Variants in NPAS1 observed in about 807,000 individuals in gnomAD.
The protein encoded by NPAS1 is neuronal PAS domain protein 1, also known as neuronal PAS domain-containing protein 1.
A neutral mutation model predicts 49.2 loss-of-function variants in NPAS1; 29 were observed. That is an observed-to-expected ratio of 0.59 (90% CI 0.44 to 0.80). NPAS1 has a LOEUF of 0.80. NPAS1 is among the 30% of genes least tolerant of loss of function. The pLI is 0.00. For synonymous variants in NPAS1, 408 were observed against 380.4 expected, an observed-to-expected ratio of 1.07 and a Z score of -0.84; for missense variants, 825 against 835.5, an observed-to-expected ratio of 0.99 and a Z score of 0.15.
chr19:47,040,569 C>A lies in NPAS1; in HGVS notation c.1069+19C>A. 6.6e-7 allele frequency: 1 copy of A among 1,524,168 alleles called. No individual in the cohort carries two copies. Among genetic ancestry groups the A allele is most frequent in the East Asian group, 2.4e-5 (1 of 41,590 alleles). The allele number at this position is 1,524,168 out of a possible 1,614,324, so 94.4% of individuals were successfully genotyped here. A position where few individuals can be genotyped will look rare whatever the true frequency, so the allele number is the denominator to read the frequency against. On this transcript the variant is annotated intron_variant, in intron 9 of 11. Transcript: ENST00000602212. ...GTGGACTGTGAGACCCACCTCCACC[C>A]ACCAAGCCTGCCTACCACCCCCCAG...
Position 47,045,610 on chromosome 19 carries a change from C to T in NPAS1, c.1732C>T (p.Pro578Ser). 6.9e-7 allele frequency: 1 copy of T among 1,449,278 alleles called. No individual in the cohort carries two copies. The highest frequency in any genetic ancestry group is 9.0e-7 in the Non-Finnish European group (1 of 1,112,252). 89.8% of individuals were successfully genotyped at this position (1,449,278 alleles called of 1,614,324 possible). The change falls in exon 12 of 12, where the codon CCG becomes TCG. Residue 578 changes from proline to serine, a missense_variant. Physicochemically the swap from Pro to Ser is moderately conservative, Grantham distance 74. Coordinates refer to ENST00000602212, the MANE Select transcript of NPAS1 (RefSeq NM_002517.4). ...AFYPPLGLPY[P>S]GPAGTRLPRK... Reference sequence around the variant, plus strand: ...TTACCCGCCCCTGGGCCTGCCCTACCCGGGGCCCGCGGGCACCAGGCTGCC... The same window carrying T: ...TTACCCGCCCCTGGGCCTGCCCTACTCGGGGCCCGCGGGCACCAGGCTGCC...
intron 5 of NPAS1, 44 bp downstream of exon 5, chr19:47,032,776 C>A (rs1228668642): frequency 7.1e-7 from 1 of 1,406,242 alleles, no homozygotes; most frequent in South Asian, 1.2e-5. Flanking sequence ...GCCACCATCT[C>A]CCTTGCCAGG....
At chr19:47,036,510 G>T (rs976468453) in intron 6 of NPAS1, among the ~76,000 whole-genome samples, 3 of 152,178 alleles carry the variant, frequency 2.0e-5, no homozygotes, top group African/African-American at 7.2e-5. Flanking sequence ...GGAGGCCCAG[G>T]GGGGCGGATC....
Position 47,025,348 on chromosome 19 carries a change from G to T in NPAS1, c.358+3501G>T, listed in dbSNP as rs112820936. On this transcript the variant is annotated intron_variant, in intron 3 of 11. Coordinates refer to ENST00000602212, the MANE Select transcript of NPAS1 (RefSeq NM_002517.4). ...GGCTGGAGTGCAATGGCATGATCTC[G>T]GCTCACTGCAACCTCCTTCTCCTGG... is the stretch of plus-strand genomic sequence containing the variant. 5.3e-5 allele frequency among the ~76,000 whole-genome samples: 7 copies of T among 132,370 alleles called. 3 individuals are homozygous for T. In the East Asian group the frequency reaches 1.4e-3, roughly 26 times the overall value. 86.8% of individuals were successfully genotyped at this position (132,370 alleles called of 152,430 possible).
intron 10 of NPAS1, among the ~76,000 whole-genome samples, chr19:47,041,959 GAC>G (rs1214923555): frequency 1.6e-5 from 2 of 125,720 alleles, no homozygotes; most frequent in Non-Finnish European, 3.2e-5. Context: ...CAGCCTGGGC[GAC>G]AGAGTGAGAC....
Position 47,021,602 on chromosome 19 carries a change from G to A in NPAS1, c.123-10G>A, listed in dbSNP as rs1203170595. On this transcript the variant is annotated splice_polypyrimidine_tract_variant and intron_variant, in intron 2 of 11. Coordinates refer to ENST00000602212, the MANE Select transcript of NPAS1 (RefSeq NM_002517.4). The surrounding 1 kb of genome is among the most constrained non-coding windows in gnomAD (Gnocchi z 5.7). ...GCCCCGCCGACACCTCCTCCGCGCC[G>A]CCCGCCCAGCCTGCAGGCGCAGCGC... The A allele has an allele frequency of 1.4e-6, 2 of 1,469,940 alleles. No homozygotes were observed. The highest frequency in any genetic ancestry group is 1.5e-5 in the African/African-American group (1 of 67,946). 91.1% of individuals were successfully genotyped at this position (1,469,940 alleles called of 1,614,324 possible).
chr19:47,032,332 T>A lies in NPAS1; in HGVS notation c.413T>A (p.Leu138Gln). 6.2e-7 allele frequency: 1 copy of A among 1,614,050 alleles called. No homozygotes were observed. Among genetic ancestry groups the A allele is most frequent in the Non-Finnish European group, 8.5e-7 (1 of 1,179,996 alleles). Residue 138 changes from leucine (L) to glutamine (Q), a missense_variant, in exon 4 of 12, where the codon CTG becomes CAG. Physicochemically the swap from Leu to Gln is moderately radical, Grantham distance 113 (BLOSUM62 -2). Transcript: ENST00000602212. ...GTCTCCGAAGTCTTCGAGCAGCACC[T>A]GGGAGGTCACATCTTGCAGGTGAGT... is the stretch of plus-strand genomic sequence containing the variant. ...ALVSEVFEQH[L>Q]GGHILQSLDG...
intron 10 of NPAS1, 54 bp downstream of exon 10, chr19:47,041,179 C>G: frequency 6.2e-6 from 9 of 1,457,060 alleles, no homozygotes; most frequent in Non-Finnish European, 8.1e-6. Flanking sequence ...GCTGTCTCTC[C>G]CCACCTCCAG....
chr19:47,040,809 GTC>G (rs1394061335), intron 9 of NPAS1, 167 bp from the exon 10 acceptor site: 2 of 658,836 alleles, frequency 3.0e-6, no homozygotes, highest in East Asian at 2.9e-5. Context: ...CTACCTCTCA[GTC>G]TCTCTGACTC....
Position 47,042,857 on chromosome 19 carries a change from C to T in NPAS1, c.1265C>T (p.Ala422Val). Residue 422 changes from alanine (A) to valine (V), a missense_variant, in exon 11 of 12, where the codon GCC becomes GTC. By Grantham distance (64) the Ala-to-Val change is moderately conservative. Transcript: ENST00000602212. The part of the protein sequence containing the change: ...QTPLDAFQLP[A>V]SVACEEASSP... ...CCTTTGGATGCCTTCCAGCTTCCAG[C>T]CAGCGTGGCCTGTGAGGAGGCATCC... The T allele has an allele frequency of 6.2e-7, 1 of 1,606,948 alleles. No homozygotes were observed. The highest frequency in any genetic ancestry group is 1.3e-5 in the African/African-American group (1 of 74,578).
chr19:47,039,455 G>A lies in NPAS1; in HGVS notation c.853G>A (p.Ala285Thr). 6.2e-7 allele frequency: 1 copy of A among 1,611,626 alleles called. No homozygotes were observed. Among genetic ancestry groups the A allele is most frequent in the Admixed American group, 1.7e-5 (1 of 59,852 alleles). The change falls in exon 8 of 12, where the codon GCC becomes ACC. Residue 285 changes from alanine (A) to threonine (T), a missense_variant. Coordinates refer to ENST00000602212, the MANE Select transcript of NPAS1 (RefSeq NM_002517.4). ...TCGGGCCCACGCCCTGGGCCTTGTGGCCCTCGGGCACACGTTGCCCCCGGC... is the reference window on the plus strand; with the variant it reads ...TCGGGCCCACGCCCTGGGCCTTGTGACCCTCGGGCACACGTTGCCCCCGGC... ...RLRAHALGLV[A>T]LGHTLPPAPL...
Position 47,039,072 on chromosome 19 carries a change from T to C in NPAS1, c.725T>C (p.Val242Ala). Reference sequence around the variant, plus strand: ...ACCAAGGTGCCCCCCTCCTCCCTGGTCCAGGAGCGCTCCTTCTTTGTCCGC... The same window carrying C: ...ACCAAGGTGCCCCCCTCCTCCCTGGCCCAGGAGCGCTCCTTCTTTGTCCGC... ...SLTKVPPSSL[V>A]QERSFFVRMK... The change falls in exon 7 of 12, where the codon GTC (valine) becomes GCC (alanine). Residue 242 changes from valine to alanine, a missense_variant. Val to Ala is a moderately conservative substitution (Grantham distance 64). Transcript: ENST00000602212. 6.2e-7 allele frequency: 1 copy of C among 1,614,114 alleles called. No homozygotes were observed. Among genetic ancestry groups the C allele is most frequent in the Non-Finnish European group, 8.5e-7 (1 of 1,180,010 alleles).
chr19:47,037,880 ATTT>A (rs2056974584), intron 6 of NPAS1, among the ~76,000 whole-genome samples: 1 of 152,128 alleles, frequency 6.6e-6, no homozygotes, highest in Non-Finnish European at 1.5e-5. Flanking sequence ...TGTGAGTCTT[ATTT>A]ATTGCTATTC....
At chr19:47,030,725 C>A (rs1267954502) in intron 3 of NPAS1, among the ~76,000 whole-genome samples, 8 of 147,948 alleles carry the variant, frequency 5.4e-5, no homozygotes, top group Non-Finnish European at 1.2e-4. Context: ...CCTAACTCAG[C>A]TCACTGCAAC....
In NPAS1 at chr19:47,042,887, C is replaced by T. The variant is rs375373168; in HGVS notation, c.1295C>T (p.Pro432Leu). Residue 432 changes from proline (P) to leucine (L), a missense_variant, in exon 11 of 12, where the codon CCG becomes CTG. Coordinates refer to ENST00000602212, the MANE Select transcript of NPAS1 (RefSeq NM_002517.4). Reference protein sequence around the residue: ...ASVACEEASSPGPEPTEPEPP... With the variant: ...ASVACEEASSLGPEPTEPEPP... Reference sequence around the variant, plus strand: ...GTGGCCTGTGAGGAGGCATCCAGCCCGGGGCCAGAGCCCACAGGTGAGCCC... The same window carrying T: ...GTGGCCTGTGAGGAGGCATCCAGCCTGGGGCCAGAGCCCACAGGTGAGCCC... 2.2e-5 allele frequency: 36 copies of T among 1,601,594 alleles called. No homozygotes were observed. In the East Asian group the frequency reaches 2.5e-4, roughly 11 times the overall value.
At chr19:47,031,202 T>G (rs910094737) in intron 3 of NPAS1, among the ~76,000 whole-genome samples, 10 of 151,512 alleles carry the variant, frequency 6.6e-5, no homozygotes, top group African/African-American at 2.4e-4. Context: ...TGTTTTTTTT[T>G]TTTTTTTTTT....
intron 3 of NPAS1, 131 bp from the exon 4 acceptor site, chr19:47,032,147 G>A: frequency 2.7e-6 from 2 of 750,036 alleles, no homozygotes; most frequent in Non-Finnish European, 4.4e-6. Flanking sequence ...TCTCCCCCAT[G>A]GGTGCCCAGA....
In NPAS1 at chr19:47,021,018, T is replaced by TG; in HGVS notation, c.-30_-29insG. 1 of 1,575,048 alleles carries TG rather than the reference T, an allele frequency of 6.3e-7. No homozygotes were observed. The highest frequency in any genetic ancestry group is 8.6e-7 in the Non-Finnish European group (1 of 1,164,078). On this transcript the variant is annotated 5_prime_UTR_variant, in exon 2 of 12. It removes the in-frame stop codon of an upstream open reading frame in the 5' UTR. Transcript: ENST00000602212. This position sits in a 1 kb window ranked among gnomAD's most constrained non-coding sequence, Gnocchi z 5.7. ...CCTCCCGCTGCAGGAGACTCGGGGC[T>TG]CGGAGCCCGCCTGAGCGAGCCCCCC...
intron 6 of NPAS1, among the ~76,000 whole-genome samples, chr19:47,037,571 C>T (rs558036631): frequency 6.6e-6 from 1 of 152,016 alleles, no homozygotes; most frequent in Non-Finnish European, 1.5e-5. Context: ...AATTTCCACT[C>T]CCACTGTGTA....
Sources: gnomAD v4.1 joint callset for allele counts (sites outside exome capture counted in the v4.1 genomes callset) on GRCh38, gnomAD v4.1.1 for gene constraint, Gnocchi (gnomAD v3.1) non-coding constraint, MANE v1.5 for transcripts, NCBI Gene and HGNC (gene_info 2026-07-23, HGNC 2026-07-21) for gene names.